SATB2: variants seen among roughly 807,000 people sequenced by gnomAD.
The protein encoded by SATB2 is DNA-binding protein SATB2.
SATB2 carries 1 observed loss-of-function variant against 73.4 expected under a neutral mutation model. The observed-to-expected ratio is 0.01, with a 90% CI of 0.00 to 0.06. The LOEUF (loss-of-function observed/expected upper bound fraction) is 0.06. Among genes scored for constraint, SATB2 ranks in the 10% least tolerant of loss-of-function variants. The pLI is 1.00. For missense variants in SATB2, 459 were observed against 945.8 expected, an observed-to-expected ratio of 0.49 and a Z score of 6.75; for synonymous variants, 397 against 367.0, an observed-to-expected ratio of 1.08 and a Z score of -0.93.
intron 7 of SATB2, among the ~76,000 whole-genome samples, chr2:199,334,921 C>T (rs1480312461): frequency 6.6e-6 from 1 of 152,088 alleles, no homozygotes; most frequent in East Asian, 1.9e-4. Flanking sequence ...GCATTTCCCC[C>T]TCAGTTCACG....
intron 10 of SATB2, among the ~76,000 whole-genome samples, chr2:199,299,821 A>C (rs1159340803): frequency 1.3e-5 from 2 of 152,166 alleles, no homozygotes; most frequent in African/African-American, 4.8e-5. Context: ...TTTTTCCAAA[A>C]GCCAGACTTT....
chr2:199,406,543 C>T (rs1044260677), intron 3 of SATB2, among the ~76,000 whole-genome samples: 1 of 152,178 alleles, frequency 6.6e-6, no homozygotes, highest in African/African-American at 2.4e-5. Flanking sequence ...GAGCTGCAGG[C>T]TGCCCCCATA....
chr2:199,405,681 TA>T (rs1456101359), intron 3 of SATB2, among the ~76,000 whole-genome samples: 1 of 152,134 alleles, frequency 6.6e-6, no homozygotes, highest in East Asian at 1.9e-4. Context: ...TTCACACATA[TA>T]ACTGTAAACT....
chr2:199,375,430 T>C (rs1035035638), intron 5 of SATB2, among the ~76,000 whole-genome samples: 5 of 152,158 alleles, frequency 3.3e-5, no homozygotes, highest in Non-Finnish European at 7.3e-5. Flanking sequence ...TCCAAGCATC[T>C]GGCCAGACAG....
Position 199,271,932 on chromosome 2 carries a change from G to A in SATB2, c.*279C>T, listed in dbSNP as rs1400571144. The A allele has an allele frequency of 2.1e-6, 1 of 478,580 alleles. No individual in the cohort carries two copies. The highest frequency in any genetic ancestry group is 2.0e-5 in the African/African-American group (1 of 51,050). The allele number at this position is 478,580 out of a possible 1,614,324, so 29.6% of individuals were successfully genotyped here. ...AGTCTCCTGTGATTATAATGACTAT[G>A]ATCCAGTCATAGAGACGGGATAAAG... On this transcript the variant is annotated 3_prime_UTR_variant, in exon 11 of 11. Transcript: ENST00000417098.
intron 10 of SATB2, among the ~76,000 whole-genome samples, chr2:199,279,449 G>C (rs1692414675): frequency 6.6e-6 from 1 of 152,176 alleles, no homozygotes. Flanking sequence ...GAATGATTAA[G>C]TTTAGGAAAG....
upstream of SATB2, among the ~76,000 whole-genome samples, chr2:199,460,090 C>T (rs1692441518): frequency 6.6e-6 from 1 of 152,056 alleles, no homozygotes; most frequent in Non-Finnish European, 1.5e-5. The surrounding 1 kb of genome is among the most constrained non-coding windows in gnomAD (Gnocchi z 4.0). Context: ...TTAGGGGAGC[C>T]ACCCTGGGAG....
At chr2:199,295,270 A>C (rs1000559068) in intron 10 of SATB2, among the ~76,000 whole-genome samples, 1 of 152,208 alleles carries the variant, frequency 6.6e-6, no homozygotes, top group Non-Finnish European at 1.5e-5. Context: ...TTCTGGAAAC[A>C]CCTGACTTTT....
intron 9 of SATB2, among the ~76,000 whole-genome samples, chr2:199,311,082 C>T (rs1447575246): frequency 3.9e-5 from 6 of 152,134 alleles, no homozygotes; most frequent in African/African-American, 1.4e-4. Flanking sequence ...AGGTCTTGAC[C>T]TTGAAGCTAT....
chr2:199,321,499 T>C (rs980408204), intron 9 of SATB2, among the ~76,000 whole-genome samples: 6 of 151,450 alleles, frequency 4.0e-5, no homozygotes, highest in Admixed American at 1.3e-4. Flanking sequence ...TATGTGTATA[T>C]ACACATACAT....
At chr2:199,393,741 T>TA (rs369159761) in intron 3 of SATB2, among the ~76,000 whole-genome samples, 4,602 of 151,478 alleles carry the variant, frequency 0.03, 248 homozygotes, top group African/African-American at 0.11. Context: ...TACTTTTCTT[T>TA]AAAAAAAAAT....
upstream of SATB2, among the ~76,000 whole-genome samples, chr2:199,461,482 A>C (rs574825164): frequency 6.6e-6 from 1 of 152,384 alleles, no homozygotes; most frequent in African/African-American, 2.4e-5. Context: ...TTTTAAAACA[A>C]AATCACGAGA....
upstream of SATB2, among the ~76,000 whole-genome samples, chr2:199,459,077 G>A (rs910475326): frequency 6.6e-6 from 1 of 152,042 alleles, no homozygotes; most frequent in Non-Finnish European, 1.5e-5. The surrounding 1 kb of genome is among the most constrained non-coding windows in gnomAD (Gnocchi z 4.2). Flanking sequence ...GCGACATCGC[G>A]AGCGGTGCAA....
chr2:199,444,043 G>A (rs1159986355), intron 2 of SATB2, among the ~76,000 whole-genome samples: 1 of 152,104 alleles, frequency 6.6e-6, no homozygotes, highest in African/African-American at 2.4e-5. Context: ...TGTAGTGCCT[G>A]TGTAATTTAT....
chr2:199,398,415 C>A (rs897718957), intron 3 of SATB2, among the ~76,000 whole-genome samples: 1 of 152,212 alleles, frequency 6.6e-6, no homozygotes, highest in African/African-American at 2.4e-5. Flanking sequence ...TACAGATGCA[C>A]ACGTTAATAA....
chr2:199,463,978 C>T lies in SATB2; in HGVS notation c.-141+858G>A, dbSNP rs1275762427. Among the ~76,000 whole-genome samples, 1 of 152,106 alleles carries T rather than the reference C, an allele frequency of 6.6e-6. No homozygotes were observed. Among genetic ancestry groups the T allele is most frequent in the Admixed American group, 6.5e-5 (1 of 15,280 alleles). On this transcript the variant is annotated intron_variant, in intron 1 of 11. Transcript: ENST00000260926. The surrounding 1 kb of genome is among the most constrained non-coding windows in gnomAD (Gnocchi z 6.4). ...GGGCCCACGCCGGTCTTGAACCAAG[C>T]GGAGAGGGCGAAAAAGCCCGCTGCG...
intron 9 of SATB2, among the ~76,000 whole-genome samples, chr2:199,309,314 T>C (rs565078878): frequency 9.2e-5 from 14 of 152,378 alleles, no homozygotes; most frequent in Middle Eastern, 3.4e-3. Context: ...GGGCAGCATT[T>C]CATGCTAAGA....
At chr2:199,416,170 T>C (rs1375379020) in intron 3 of SATB2, among the ~76,000 whole-genome samples, 1 of 152,246 alleles carries the variant, frequency 6.6e-6, no homozygotes, top group Non-Finnish European at 1.5e-5. Context: ...GGTGTGGTTC[T>C]ATTATACCAA....
At chr2:199,435,473 T>A (rs1294691686) in intron 2 of SATB2, among the ~76,000 whole-genome samples, 1 of 151,958 alleles carries the variant, frequency 6.6e-6, no homozygotes, top group African/African-American at 2.4e-5. Context: ...CTCAGCCTCC[T>A]GAGAAGCTGG....
Sources: gnomAD v4.1 joint callset for allele counts (sites outside exome capture counted in the v4.1 genomes callset) on GRCh38, gnomAD v4.1.1 for gene constraint, Gnocchi (gnomAD v3.1) non-coding constraint, MANE v1.5 for transcripts, NCBI Gene and HGNC (gene_info 2026-07-23, HGNC 2026-07-21) for gene names.